PCDHGA1: variants seen among roughly 807,000 people sequenced by gnomAD.
The protein encoded by PCDHGA1 is protocadherin gamma subfamily A, 1, also known as protocadherin gamma-A1.
PCDHGA1 carries 32 observed loss-of-function variants against 58.0 expected under a neutral mutation model. That is an observed-to-expected ratio of 0.55 (90% CI 0.42 to 0.74). The LOEUF (loss-of-function observed/expected upper bound fraction) is 0.74. PCDHGA1 is among the 30% of genes least tolerant of loss of function. The probability of loss-of-function intolerance (pLI) is 0.00; values close to 1 mark genes in which losing one functional copy is unlikely to be tolerated. For missense variants in PCDHGA1, 1,205 were observed against 1,182.3 expected, an observed-to-expected ratio of 1.02 and a Z score of -0.28; for synonymous variants, 498 against 501.1, an observed-to-expected ratio of 0.99 and a Z score of 0.08.
chr5:141,490,045 C>G lies in PCDHGA1; in HGVS notation c.2422-4762C>G, dbSNP rs530803072. 6 of 1,614,114 alleles carry G rather than the reference C, an allele frequency of 3.7e-6. No individual in the cohort carries two copies. The highest frequency in any genetic ancestry group is 5.1e-6 in the Non-Finnish European group (6 of 1,180,014). On this transcript the variant is annotated intron_variant, in intron 1 of 3. Coordinates refer to ENST00000517417, the MANE Select transcript of PCDHGA1 (RefSeq NM_018912.3). This position sits in a 1 kb window ranked among gnomAD's most constrained non-coding sequence, Gnocchi z 5.4. ...GCTGCTCCGCCTCAATGCCACTGAT[C>G]CAGACGAGGGCACCAACGGCCAACT...
intron 1 of PCDHGA1, among the ~76,000 whole-genome samples, chr5:141,429,706 T>G (rs191069331): frequency 7.6e-4 from 116 of 152,354 alleles, no homozygotes; most frequent in African/African-American, 2.5e-3. Flanking sequence ...ACAGTATAAA[T>G]ATTTACGCTC....
chr5:141,492,206 G>A (rs1180294159), intron 1 of PCDHGA1, among the ~76,000 whole-genome samples: 2 of 152,204 alleles, frequency 1.3e-5, no homozygotes, highest in Non-Finnish European at 2.9e-5. Context: ...TTAGGTGTGC[G>A]CGCGGGGCTC....
intron 2 of PCDHGA1, among the ~76,000 whole-genome samples, chr5:141,502,686 C>T (rs2099815631): frequency 6.6e-6 from 1 of 152,136 alleles, no homozygotes; most frequent in Admixed American, 6.5e-5. Flanking sequence ...CCCTGATGAT[C>T]CTTGCCTGTA....
rs369665414 is a variant in PCDHGA1 at position 141,341,361 on chromosome 5, T to C, written c.2421+8256T>C. 1.2e-5 allele frequency: 19 copies of C among 1,614,142 alleles called. No individual in the cohort carries two copies. The Middle Eastern group carries it at 9.9e-4, about 84-fold the overall frequency. The stretch of plus-strand genomic sequence containing the variant: ...GATTTTTTATCAGCGCCTCAATCTC[T>C]ACTCGAAGAAGAAAGAGAAGAAACG... On this transcript the variant is annotated intron_variant, in intron 1 of 3. Transcript: ENST00000517417.
chr5:141,399,198 G>T (rs1370289172), intron 1 of PCDHGA1: 1 of 1,613,816 alleles, frequency 6.2e-7, no homozygotes, highest in African/African-American at 1.3e-5. Context: ...AAAACGCGGT[G>T]CCTGGAACAC....
rs1439786491 is a variant in PCDHGA1 at position 141,399,634 on chromosome 5, A to G, written c.2421+66529A>G. 9 of 1,613,742 alleles carry G rather than the reference A, an allele frequency of 5.6e-6. No individual in the cohort carries two copies. The highest frequency in any genetic ancestry group is 1.3e-5 in the African/African-American group (1 of 74,954). On this transcript the variant is annotated intron_variant, in intron 1 of 3. Transcript: ENST00000517417. ...TCTGGCACTGGCCTCTTACGTGTCC[A>G]TGAGCGCGCAAAGTGGGGTGGTGTT...
At position 141,419,294 on chromosome 5, in the gene PCDHGA1, C is replaced by T. The variant is rs770303087; in HGVS notation, c.2422-75513C>T. ...CATAGCGCAAGTCAGTGCCTCTGAC[C>T]CAGACTTCGGGCTCAACGGCCGTGT... On this transcript the variant is annotated intron_variant, in intron 1 of 3. Transcript: ENST00000517417. The T allele has an allele frequency of 1.9e-6, 3 of 1,614,036 alleles. No homozygotes were observed. Among genetic ancestry groups the T allele is most frequent in the East Asian group, 2.2e-5 (1 of 44,886 alleles).
intron 1 of PCDHGA1, chr5:141,478,597 C>T: frequency 6.4e-7 from 1 of 1,567,010 alleles, no homozygotes; most frequent in Non-Finnish European, 8.7e-7. Flanking sequence ...TTTATTCCTA[C>T]ATCATATTGA....
chr5:141,397,168 T>C (rs997043690), intron 1 of PCDHGA1, among the ~76,000 whole-genome samples: 3 of 152,202 alleles, frequency 2.0e-5, no homozygotes, highest in Non-Finnish European at 4.4e-5. Context: ...CCAATAACTC[T>C]TAAGAATGAA....
intron 1 of PCDHGA1, chr5:141,393,911 T>C: frequency 3.7e-6 from 6 of 1,614,002 alleles, no homozygotes; most frequent in Non-Finnish European, 5.1e-6. Context: ...GGACAGTAAT[T>C]GCCTTCTTGA....
chr5:141,424,319 G>A (rs1014361496), intron 1 of PCDHGA1: 1 of 152,006 alleles, frequency 6.6e-6, no homozygotes, highest in African/African-American at 2.4e-5. Context: ...ATATTGACTG[G>A]CTTTTAACTA....
In PCDHGA1 at chr5:141,393,293, G is replaced by A. The variant is rs774531655; in HGVS notation, c.2421+60188G>A. On this transcript the variant is annotated intron_variant, in intron 1 of 3. Coordinates refer to ENST00000517417, the MANE Select transcript of PCDHGA1 (RefSeq NM_018912.3). ...ATCCACTCCCAGAAGCTGTTGACCC[G>A]GATGTGGGCGTGAACTCCCTCCAGA... 6.2e-6 allele frequency: 10 copies of A among 1,613,918 alleles called. No homozygotes were observed. The Admixed American group carries it at 8.3e-5, about 13-fold the overall frequency.
At chr5:141,499,029 A>AAGGAAGGAAGGAAGG (rs1562187768) in intron 2 of PCDHGA1, among the ~76,000 whole-genome samples, 10 of 139,968 alleles carry the variant, frequency 7.1e-5, no homozygotes, top group African/African-American at 2.8e-4. Context: ...AGGAAGGAAG[A>AAGGAAGGAAGGAAGG]AAAGAAAGAA....
At chr5:141,419,729 G>A in intron 1 of PCDHGA1, 1 of 1,613,758 alleles carries the variant, frequency 6.2e-7, no homozygotes, top group Non-Finnish European at 8.5e-7. Context: ...GCTGCGAACA[G>A]GCGAGGTGCG....
chr5:141,423,551 A>T, intron 1 of PCDHGA1: 2 of 1,613,616 alleles, frequency 1.2e-6, no homozygotes, highest in Non-Finnish European at 1.7e-6. Context: ...CCCCAGCCCA[A>T]CTATGGGGAC....
rs560131895 is a variant in PCDHGA1 at position 141,355,962 on chromosome 5, C to G, written c.2421+22857C>G. 2.5e-6 allele frequency: 4 copies of G among 1,613,898 alleles called. No individual in the cohort carries two copies. Among genetic ancestry groups the G allele is most frequent in the Non-Finnish European group, 3.4e-6 (4 of 1,179,866 alleles). On this transcript the variant is annotated intron_variant, in intron 1 of 3. Coordinates refer to ENST00000517417, the MANE Select transcript of PCDHGA1 (RefSeq NM_018912.3). ...AGTACCACGTAAGTGTTCGTGAGAA[C>G]GTTCCTGTAGGCACTCGGCTACTCA... is the stretch of plus-strand genomic sequence containing the variant.
intron 2 of PCDHGA1, among the ~76,000 whole-genome samples, chr5:141,500,877 A>AT (rs369345007): frequency 0.053 from 6,532 of 122,188 alleles, 326 homozygotes; most frequent in Admixed American, 0.19. Context: ...TTCATTTACA[A>AT]TTTTTTTTTT....
chr5:141,410,087 G>A (rs1427716409), intron 1 of PCDHGA1: 1 of 1,612,482 alleles, frequency 6.2e-7, no homozygotes, highest in African/African-American at 1.3e-5. Flanking sequence ...GGTGCGCACG[G>A]CTCGAGCCTT....
At chr5:141,356,575 G>A in intron 1 of PCDHGA1, 1 of 1,614,084 alleles carries the variant, frequency 6.2e-7, no homozygotes, top group Non-Finnish European at 8.5e-7. Flanking sequence ...TTCCTACTCT[G>A]CTTACATTCC....
Sources: allele counts gnomAD v4.1 joint callset (sites outside exome capture counted in the v4.1 genomes callset), GRCh38; gene constraint gnomAD v4.1.1; non-coding constraint Gnocchi (gnomAD v3.1); transcripts MANE v1.5; gene names NCBI Gene and HGNC (gene_info 2026-07-23, HGNC 2026-07-21).